Variants in CDH18 observed in about 807,000 individuals in gnomAD.
The protein encoded by CDH18 is cadherin-18.
CDH18 carries 31 observed loss-of-function variants against 67.9 expected under a neutral mutation model. The ratio of observed to expected loss-of-function variants is 0.46; its 90% CI spans 0.34 to 0.62. CDH18 has a LOEUF of 0.62. Among genes scored for constraint, CDH18 ranks in the 20% least tolerant of loss-of-function variants. The pLI, the probability that CDH18 is intolerant of heterozygous loss-of-function variation, is 0.01. For missense variants in CDH18, 890 were observed against 975.5 expected, an observed-to-expected ratio of 0.91 and a Z score of 1.17; for synonymous variants, 362 against 347.2, an observed-to-expected ratio of 1.04 and a Z score of -0.48.
At chr5:20,185,285 T>G (rs1190417491) in intron 2 of CDH18, among the ~76,000 whole-genome samples, 1 of 152,102 alleles carries the variant, frequency 6.6e-6, no homozygotes, top group East Asian at 1.9e-4. Context: ...TATATTAGCC[T>G]GCAGTAGTAC....
chr5:19,861,823 G>A (rs145149954), intron 2 of CDH18, among the ~76,000 whole-genome samples: 1 of 152,216 alleles, frequency 6.6e-6, no homozygotes, highest in African/African-American at 2.4e-5. Flanking sequence ...CTTTATAGTG[G>A]GTGGGAGGAA....
intron 2 of CDH18, among the ~76,000 whole-genome samples, chr5:20,023,479 G>A (rs1314345861): frequency 6.6e-6 from 1 of 151,982 alleles, no homozygotes; most frequent in East Asian, 1.9e-4. Context: ...ATAACATGGT[G>A]AAACCCCGTC....
intron 2 of CDH18, among the ~76,000 whole-genome samples, chr5:19,840,887 T>C (rs550401150): frequency 6.0e-4 from 91 of 152,324 alleles, no homozygotes; most frequent in Non-Finnish European, 1.2e-3. Flanking sequence ...CACTTTCTCA[T>C]TGAATGCAAT....
chr5:19,878,353 C>T (rs768342434), intron 2 of CDH18, among the ~76,000 whole-genome samples: 18 of 151,806 alleles, frequency 1.2e-4, no homozygotes, highest in Non-Finnish European at 2.4e-4. Flanking sequence ...AGTACTAGAA[C>T]GTATTTATAT....
At chr5:19,641,597 C>G (rs922911667) in intron 5 of CDH18, among the ~76,000 whole-genome samples, 2 of 151,878 alleles carry the variant, frequency 1.3e-5, no homozygotes, top group Admixed American at 1.3e-4. Flanking sequence ...TCAATAGATG[C>G]AGAAAATGGA....
At chr5:20,375,426 C>T (rs1743333789) in intron 1 of CDH18, among the ~76,000 whole-genome samples, 1 of 152,174 alleles carries the variant, frequency 6.6e-6, no homozygotes, top group Non-Finnish European at 1.5e-5. Context: ...GCATCTATTA[C>T]TCTCTTAAAC....
chr5:20,346,851 C>G (rs1023606623), intron 1 of CDH18, among the ~76,000 whole-genome samples: 5 of 152,140 alleles, frequency 3.3e-5, no homozygotes, highest in East Asian at 1.9e-4. Context: ...GAACAATATG[C>G]TGAAGATGCT....
chr5:19,560,372 C>T (rs1739239264), intron 8 of CDH18, among the ~76,000 whole-genome samples: 1 of 152,022 alleles, frequency 6.6e-6, no homozygotes, highest in South Asian at 2.1e-4. Flanking sequence ...ATACAGCCAA[C>T]TGATCTTTGA....
intron 2 of CDH18, among the ~76,000 whole-genome samples, chr5:20,066,030 T>TA (rs1010021470): frequency 2.0e-5 from 3 of 152,078 alleles, no homozygotes; most frequent in African/African-American, 7.2e-5. Context: ...GTATTTTTAA[T>TA]AAAAAATGTA....
intron 2 of CDH18, among the ~76,000 whole-genome samples, chr5:20,022,533 G>A (rs927480131): frequency 6.6e-6 from 1 of 152,074 alleles, no homozygotes; most frequent in Non-Finnish European, 1.5e-5. Flanking sequence ...TCTTGCTATT[G>A]CTACATATTT....
At chr5:20,489,407 A>G (rs1447609972) in intron 1 of CDH18, among the ~76,000 whole-genome samples, 2 of 152,100 alleles carry the variant, frequency 1.3e-5, no homozygotes, top group Admixed American at 1.3e-4. Flanking sequence ...TTGATAATGA[A>G]CTATGTAACT....
intron 4 of CDH18, among the ~76,000 whole-genome samples, chr5:19,740,090 G>T (rs1768900344): frequency 6.6e-6 from 1 of 152,106 alleles, no homozygotes; most frequent in Admixed American, 6.5e-5. Flanking sequence ...AAATAAGTTT[G>T]TTATATTGAA....
chr5:20,379,655 T>C (rs1371758604), intron 1 of CDH18, among the ~76,000 whole-genome samples: 1 of 152,172 alleles, frequency 6.6e-6, no homozygotes, highest in East Asian at 1.9e-4. Context: ...GAGATTATTT[T>C]AATGTATCCT....
intron 2 of CDH18, among the ~76,000 whole-genome samples, chr5:20,046,228 G>A (rs1740880468): frequency 6.6e-6 from 1 of 151,982 alleles, no homozygotes; most frequent in African/African-American, 2.4e-5. Context: ...AGATTAATAT[G>A]AGGGATGAAA....
At chr5:20,109,399 C>T (rs560567031) in intron 2 of CDH18, among the ~76,000 whole-genome samples, 5 of 152,230 alleles carry the variant, frequency 3.3e-5, no homozygotes, top group South Asian at 4.1e-4. Flanking sequence ...GGCACACTGA[C>T]GAGAACAGCA....
upstream of CDH18, among the ~76,000 whole-genome samples, chr5:19,988,726 T>A (rs542191326): frequency 5.4e-3 from 817 of 152,068 alleles, 7 homozygotes; most frequent in African/African-American, 0.019. Flanking sequence ...ATTTTCATAT[T>A]CCCGTGCAAA....
At chr5:19,738,077 A>T (rs931719031) in intron 4 of CDH18, among the ~76,000 whole-genome samples, 25 of 152,194 alleles carry the variant, frequency 1.6e-4, no homozygotes, top group African/African-American at 6.0e-4. Flanking sequence ...TGTCTCTGTG[A>T]AAATGTATAT....
At chr5:19,682,338 G>C (rs919188993) in intron 5 of CDH18, among the ~76,000 whole-genome samples, 2 of 151,708 alleles carry the variant, frequency 1.3e-5, no homozygotes, top group African/African-American at 4.8e-5. Flanking sequence ...TTTTGTTTTT[G>C]TCCTTTGGCA....
chr5:19,630,787 A>T (rs1562389), intron 5 of CDH18, among the ~76,000 whole-genome samples: 103,449 of 151,806 alleles, frequency 0.68, 36,374 homozygotes, highest in South Asian at 0.79. Flanking sequence ...GAAATTTGCA[A>T]AGAGTTATTT....
Sources: allele counts gnomAD v4.1 joint callset (sites outside exome capture counted in the v4.1 genomes callset), GRCh38; gene constraint gnomAD v4.1.1; transcripts MANE v1.5; gene names NCBI Gene and HGNC (gene_info 2026-07-23, HGNC 2026-07-21).